The following CACNA1G variants were observed in gnomAD, a reference collection of about 807,000 sequenced individuals.
The protein encoded by CACNA1G is calcium voltage-gated channel subunit alpha1 G.
CACNA1G carries 67 observed loss-of-function variants against 219.4 expected under a neutral mutation model. That is an observed-to-expected ratio of 0.31 (90% CI 0.25 to 0.37). CACNA1G has a LOEUF of 0.37. Among genes scored for constraint, CACNA1G ranks in the 10% least tolerant of loss-of-function variants. The probability of loss-of-function intolerance (pLI) is 1.00; values close to 1 mark genes in which losing one functional copy is unlikely to be tolerated. For missense variants in CACNA1G, 2,380 were observed against 3,231.4 expected (o/e 0.74, Z 6.39); for synonymous variants, 1,296 against 1,345.3 (o/e 0.96, Z 0.80).
intron 1 of CACNA1G, among the ~76,000 whole-genome samples, chr17:50,567,202 TC>T (rs1332494120): frequency 6.6e-6 from 1 of 152,222 alleles, no homozygotes; most frequent in Non-Finnish European, 1.5e-5. Flanking sequence ...TTTTATTTCC[TC>T]CCTGTCATCT....
chr17:50,609,503 C>T (rs560745029), intron 25 of CACNA1G, among the ~76,000 whole-genome samples: 1 of 152,140 alleles, frequency 6.6e-6, no homozygotes, highest in East Asian at 1.9e-4. Context: ...CACAGTCAGG[C>T]AGATGGAATT....
At chr17:50,577,363 G>T (rs2040917129) in intron 8 of CACNA1G, among the ~76,000 whole-genome samples, 1 of 151,586 alleles carries the variant, frequency 6.6e-6, no homozygotes. Flanking sequence ...GGTACTCTCT[G>T]AGGTTCTCAT....
At chr17:50,613,827 C>G (rs2049813347) in intron 26 of CACNA1G, among the ~76,000 whole-genome samples, 1 of 151,992 alleles carries the variant, frequency 6.6e-6, no homozygotes, top group African/African-American at 2.4e-5. Context: ...GCCCGGCCCA[C>G]CCGGCCCACC....
chr17:50,566,397 T>TGGAAGGAGA (rs1390345701), intron 1 of CACNA1G, among the ~76,000 whole-genome samples: 3 of 150,462 alleles, frequency 2.0e-5, no homozygotes, highest in Non-Finnish European at 4.4e-5. Flanking sequence ...TTACGTGTCG[T>TGGAAGGAGA]GGAAGGAGAG....
rs2041238998 is a variant in CACNA1G, at chr17:50,578,679, GC to G, written c.2301+118del. 9.4e-7 allele frequency: 1 copy of G among 1,064,208 alleles called. No individual in the cohort carries two copies. Among genetic ancestry groups the G allele is most frequent in the South Asian group, 1.8e-5 (1 of 55,836 alleles). 65.9% of individuals were successfully genotyped at this position (1,064,208 alleles called of 1,614,324 possible). A position where few individuals can be genotyped will look rare whatever the true frequency, so the allele number is the denominator to read the frequency against. ...GCTCAGCTTCCTCTCCATGCTGCTA[GC>G]CCACCTGGCAGGTAGGAGGGGAGGT... is the stretch of plus-strand genomic sequence containing the variant. On this transcript the variant is annotated intron_variant, in intron 9 of 37. Transcript: ENST00000359106. This position sits in a 1 kb window ranked among gnomAD's most constrained non-coding sequence, Gnocchi z 4.5.
intron 11 of CACNA1G, 52 bp from the exon 12 acceptor site, chr17:50,591,687 G>C (rs1024705420): frequency 1.2e-6 from 2 of 1,610,166 alleles, no homozygotes; most frequent in East Asian, 4.5e-5. Flanking sequence ...GGCCTGAGGG[G>C]TGAGGAGCAC....
Position 50,572,032 on chromosome 17 carries a change from C to T in CACNA1G, c.741C>T (p.Phe247=). ...ACCGATGCTTCCTACCTGAGAATTT[C>T]AGCCTGTGAGTGGTGGACAGGGTCC... ...LRNRCFLPEN[F]SLPLSVDLER... is the part of the protein sequence containing the mutation. The change falls in exon 5 of 38, where the codon TTC becomes TTT. Residue 247 remains phenylalanine (F), a synonymous_variant. Coordinates refer to ENST00000359106, the MANE Select transcript of CACNA1G (RefSeq NM_018896.5). 3 of 1,613,586 alleles carry T rather than the reference C, an allele frequency of 1.9e-6. No individual in the cohort carries two copies. The highest frequency in any genetic ancestry group is 2.5e-6 in the Non-Finnish European group (3 of 1,179,552).
rs1430849593 is a variant in CACNA1G at position 50,596,506 on chromosome 17, T to G, written c.2980-56T>G. 4.5e-5 allele frequency: 66 copies of G among 1,480,118 alleles called. No homozygotes were observed. The South Asian group carries it at 7.4e-4, about 17-fold the overall frequency. The allele number at this position is 1,480,118 out of a possible 1,614,324, so 91.7% of individuals were successfully genotyped here. The stretch of plus-strand genomic sequence containing the variant: ...TGTGAAGAGAGGGAGGCCCGGTCCA[T>G]CCCAACCACCCAAGCCTGGCCGGAT... On this transcript the variant is annotated intron_variant, in intron 14 of 37. Coordinates refer to ENST00000359106, the MANE Select transcript of CACNA1G (RefSeq NM_018896.5). This position sits in a 1 kb window ranked among gnomAD's most constrained non-coding sequence, Gnocchi z 4.8.
intron 5 of CACNA1G, 74 bp from the exon 6 acceptor site, chr17:50,572,480 C>T: frequency 7.7e-7 from 1 of 1,304,654 alleles, no homozygotes; most frequent in South Asian, 1.5e-5. Flanking sequence ...CTCGTGCCAT[C>T]TCTCCCTTCC....
At chr17:50,615,544 C>T (rs1292254900) in intron 27 of CACNA1G, 32 bp downstream of exon 27, 1 of 1,604,098 alleles carries the variant, frequency 6.2e-7, no homozygotes, top group South Asian at 1.1e-5. Context: ...ATCTGGCCCC[C>T]CCACCTCCAG....
In CACNA1G at chr17:50,578,504, G is replaced by T; in HGVS notation, c.2241G>T (p.Arg747=). The change falls in exon 9 of 38, where the codon CGG becomes CGT. Residue 747 remains arginine, a synonymous_variant. Transcript: ENST00000359106. This position sits in a 1 kb window ranked among gnomAD's most constrained non-coding sequence, Gnocchi z 4.5. ...RKIVDSKYFG[R]GIMIAILVNT... ...TTGTGGACAGCAAGTACTTTGGCCGGGGAATCATGATCGCCATCCTGGTCA... is the reference window on the plus strand; with the variant it reads ...TTGTGGACAGCAAGTACTTTGGCCGTGGAATCATGATCGCCATCCTGGTCA... 2 of 1,584,966 alleles carry T rather than the reference G, an allele frequency of 1.3e-6. No individual in the cohort carries two copies. Among genetic ancestry groups the T allele is most frequent in the Middle Eastern group, 1.7e-4 (1 of 5,886 alleles).
rs1372713975 is a variant in CACNA1G at position 50,596,790 on chromosome 17, A to C, written c.3125A>C (p.His1042Pro). The C allele has an allele frequency of 6.2e-7, 1 of 1,611,280 alleles. No homozygotes were observed. Among genetic ancestry groups the C allele is most frequent in the Non-Finnish European group, 8.5e-7 (1 of 1,179,574 alleles). The change falls in exon 16 of 38, where the codon CAC becomes CCC. Residue 1042 changes from histidine to proline, a missense_variant. His to Pro is a moderately conservative substitution (Grantham distance 77). Transcript: ENST00000359106. The surrounding 1 kb of genome is among the most constrained non-coding windows in gnomAD (Gnocchi z 4.8). ...AGCCTGCTGCCGCCTCTCATCATCC[A>C]CACGGCCGCCACACCCATGTCGCTG... ...RKSLLPPLII[H>P]TAATPMSLPK...
intron 10 of CACNA1G, 138 bp downstream of exon 10, chr17:50,590,760 T>C (rs2044131510): frequency 2.8e-6 from 2 of 715,808 alleles, no homozygotes; most frequent in East Asian, 2.7e-5. Context: ...GACCTGCCAC[T>C]CCTCCTAGGT....
chr17:50,596,862 C>G lies in CACNA1G; in HGVS notation c.3197C>G (p.Ser1066Trp), dbSNP rs577659325. 2 of 1,595,398 alleles carry G rather than the reference C, an allele frequency of 1.3e-6. No individual in the cohort carries two copies. The highest frequency in any genetic ancestry group is 1.7e-5 in the Admixed American group (1 of 58,114). The change falls in exon 16 of 38, where the codon TCG (serine) becomes TGG (tryptophan). Residue 1066 changes from serine (S) to tryptophan (W), a missense_variant. Transcript: ENST00000359106. The surrounding 1 kb of genome is among the most constrained non-coding windows in gnomAD (Gnocchi z 4.8). The part of the protein sequence containing the change: ...TGLGEALGPA[S>W]RRTSSSGSAE... The stretch of plus-strand genomic sequence containing the variant: ...CTGGGCGAGGCGCTGGGCCCTGCGT[C>G]GCGCCGCACCAGCAGCAGCGGGTCG...
Position 50,617,723 on chromosome 17 carries a change from C to A in CACNA1G, c.5156-136C>A. Reference sequence around the variant, plus strand: ...CTGCCAAGGGAGGCTGGAGACAGGGCTGAGGATGGGGATGCAACCTGGCTG... The same window carrying A: ...CTGCCAAGGGAGGCTGGAGACAGGGATGAGGATGGGGATGCAACCTGGCTG... On this transcript the variant is annotated intron_variant, in intron 29 of 37. Coordinates refer to ENST00000359106, the MANE Select transcript of CACNA1G (RefSeq NM_018896.5). This position sits in a 1 kb window ranked among gnomAD's most constrained non-coding sequence, Gnocchi z 5.8. The A allele has an allele frequency of 1.4e-6, 2 of 1,427,254 alleles. No individual in the cohort carries two copies. The highest frequency in any genetic ancestry group is 9.6e-7 in the Non-Finnish European group (1 of 1,041,292). The allele number at this position is 1,427,254 out of a possible 1,614,324, so 88.4% of individuals were successfully genotyped here. A position where few individuals can be genotyped will look rare whatever the true frequency, so the allele number is the denominator to read the frequency against.
At chr17:50,608,688 A>G (rs1184534175) in intron 25 of CACNA1G, among the ~76,000 whole-genome samples, 1 of 152,138 alleles carries the variant, frequency 6.6e-6, no homozygotes, top group East Asian at 1.9e-4. Context: ...ATCTCTTGGC[A>G]TTGGGTGGGT....
Position 50,626,546 on chromosome 17 carries a change from G to A in CACNA1G, c.6929G>A (p.Ser2310Asn), listed in dbSNP as rs2053844816. Residue 2310 changes from serine (S) to asparagine (N), a missense_variant, in exon 38 of 38, where the codon AGT (serine) becomes AAT (asparagine). Ser to Asn is a conservative substitution (Grantham distance 46, BLOSUM62 1). Coordinates refer to ENST00000359106, the MANE Select transcript of CACNA1G (RefSeq NM_018896.5). The surrounding 1 kb of genome is among the most constrained non-coding windows in gnomAD (Gnocchi z 4.3). Reference protein sequence around the residue: ...SRPKKKLSPPSITIDPPESQG... With the variant: ...SRPKKKLSPPNITIDPPESQG... Reference sequence around the variant, plus strand: ...CCCAAGAAAAAACTCAGCCCGCCTAGTATCACCATAGACCCCCCCGAGAGC... The same window carrying A: ...CCCAAGAAAAAACTCAGCCCGCCTAATATCACCATAGACCCCCCCGAGAGC... 2 of 1,580,482 alleles carry A rather than the reference G, an allele frequency of 1.3e-6. No individual in the cohort carries two copies. The highest frequency in any genetic ancestry group is 1.7e-6 in the Non-Finnish European group (2 of 1,165,502).
chr17:50,581,100 G>A (rs572138002), intron 9 of CACNA1G, among the ~76,000 whole-genome samples: 18 of 151,846 alleles, frequency 1.2e-4, no homozygotes, highest in East Asian at 9.7e-4. Flanking sequence ...AGATGGAGAC[G>A]GGGGAGGAGG....
chr17:50,626,910 C>A lies in CACNA1G; in HGVS notation c.*159C>A. On this transcript the variant is annotated 3_prime_UTR_variant, in exon 38 of 38. Coordinates refer to ENST00000359106, the MANE Select transcript of CACNA1G (RefSeq NM_018896.5). The surrounding 1 kb of genome is among the most constrained non-coding windows in gnomAD (Gnocchi z 4.3). ...TCTGGGTACCTGCAAGCAGAACTTC[C>A]AAAGAGAGTTAAAAGCAGCAGCCCC... 1 of 944,336 alleles carries A rather than the reference C, an allele frequency of 1.1e-6. No individual in the cohort carries two copies. The highest frequency in any genetic ancestry group is 1.7e-6 in the Non-Finnish European group (1 of 584,584). The allele number at this position is 944,336 out of a possible 1,614,324, so 58.5% of individuals were successfully genotyped here.
Sources: allele counts gnomAD v4.1 joint callset (sites outside exome capture counted in the v4.1 genomes callset), GRCh38; gene constraint gnomAD v4.1.1; non-coding constraint Gnocchi (gnomAD v3.1); transcripts MANE v1.5; gene names NCBI Gene and HGNC (gene_info 2026-07-23, HGNC 2026-07-21).